Variants in TENM1 observed in about 807,000 individuals in gnomAD.
TENM1 encodes teneurin transmembrane protein 1.
Under a neutral mutation model 174.8 loss-of-function variants are expected in TENM1, and 35 were observed. The ratio of observed to expected loss-of-function variants is 0.20; its 90% confidence interval spans 0.15 to 0.27. TENM1 has a LOEUF of 0.27. Among genes scored for constraint, TENM1 ranks in the 10% least tolerant of loss-of-function variants. TENM1 has a pLI of 1.00. For synonymous variants in TENM1, 781 were observed against 798.7 expected, an observed-to-expected ratio of 0.98 and a Z score of 0.37; for missense variants, 1,633 against 2,130.1, an observed-to-expected ratio of 0.77 and a Z score of 4.59.
chrX:124,765,730 C>A (rs1199138780), intron 3 of TENM1, among the ~76,000 whole-genome samples: 2 of 111,945 alleles, frequency 1.8e-5, no homozygotes, highest in African/African-American at 3.2e-5. Flanking sequence ...GTCACATATG[C>A]AAATTACATA....
At chrX:125,167,619 G>C in the TENM1 span, among the ~76,000 whole-genome samples, 1 of 111,098 alleles carries the variant, frequency 9.0e-6, no homozygotes, top group Non-Finnish European at 1.9e-5. Flanking sequence ...AGAAGACCTA[G>C]GGTTTCGCCC....
the TENM1 span, among the ~76,000 whole-genome samples, chrX:125,027,123 C>T: frequency 2.7e-5 from 3 of 112,065 alleles, no homozygotes; most frequent in Non-Finnish European, 5.6e-5. Flanking sequence ...TTAGACAAAA[C>T]TGTCACTATT....
chrX:124,848,011 T>G (rs1043048074), intron 3 of TENM1, among the ~76,000 whole-genome samples: 84 of 111,303 alleles, frequency 7.5e-4, no homozygotes, highest in African/African-American at 2.7e-3. Context: ...TTAAGGGGTC[T>G]CTAATCATGT....
chrX:124,814,988 G>A (rs1459037844), intron 3 of TENM1, among the ~76,000 whole-genome samples: 6 of 112,070 alleles, frequency 5.4e-5, no homozygotes, highest in Non-Finnish European at 3.8e-5. Flanking sequence ...AGTAAATGCT[G>A]CAAACTATTA....
intron 14 of TENM1, among the ~76,000 whole-genome samples, chrX:124,560,788 A>C (rs1201380914): frequency 1.8e-5 from 2 of 111,900 alleles, no homozygotes; most frequent in African/African-American, 6.5e-5. Flanking sequence ...TTAATAATAT[A>C]CTTCATTTTA....
At chrX:124,783,110 A>C (rs1009656819) in intron 3 of TENM1, among the ~76,000 whole-genome samples, 2 of 112,098 alleles carry the variant, frequency 1.8e-5, no homozygotes, top group Non-Finnish European at 3.8e-5. Flanking sequence ...TCTCTATGAT[A>C]TGAGTGTACT....
upstream of TENM1, chrX:124,963,862 T>G: frequency 4.6e-6 from 3 of 653,329 alleles, no homozygotes; most frequent in East Asian, 9.7e-5. Flanking sequence ...GATTTATCTT[T>G]TTGTGAGGAA....
chrX:124,978,543 G>C, the TENM1 span, among the ~76,000 whole-genome samples: 1 of 111,869 alleles, frequency 8.9e-6, no homozygotes, highest in Admixed American at 9.5e-5. Flanking sequence ...GTAGTCACTT[G>C]CCTGGGCTAT....
At chrX:124,894,193 T>C in intron 3 of TENM1, 103 bp downstream of exon 6, 2 of 577,931 alleles carry the variant, frequency 3.5e-6, no homozygotes, top group Admixed American at 2.9e-5. Flanking sequence ...AGCAGGCTTG[T>C]ATGTTGTTTG....
At chrX:125,133,289 A>G in the TENM1 span, among the ~76,000 whole-genome samples, 2 of 112,035 alleles carry the variant, frequency 1.8e-5, no homozygotes, top group Non-Finnish European at 3.8e-5. Context: ...GGCGTGAGCC[A>G]CCGTGTCCGG....
chrX:125,163,562 T>A, the TENM1 span, among the ~76,000 whole-genome samples: 35 of 111,350 alleles, frequency 3.1e-4, no homozygotes, highest in African/African-American at 1.1e-3. Context: ...GAACTCTGCT[T>A]AATGTTCAGC....
At chrX:125,026,785 G>A in the TENM1 span, among the ~76,000 whole-genome samples, 61 of 111,950 alleles carry the variant, frequency 5.4e-4, no homozygotes, top group African/African-American at 1.8e-3. Flanking sequence ...GAAAACATAT[G>A]TCATTTGAAT....
intron 18 of TENM1, among the ~76,000 whole-genome samples, chrX:124,518,511 A>G (rs1055754523): frequency 9.0e-6 from 1 of 110,954 alleles, no homozygotes; most frequent in Non-Finnish European, 1.9e-5. Flanking sequence ...AAGGCAACAA[A>G]TACCTGCATA....
At chrX:125,199,719 G>A in the TENM1 span, among the ~76,000 whole-genome samples, 1 of 111,564 alleles carries the variant, frequency 9.0e-6, no homozygotes, top group Non-Finnish European at 1.9e-5. Flanking sequence ...TCATTTATTA[G>A]ACTCTAAGTT....
chrX:124,626,331 C>T lies in TENM1; in HGVS notation c.2077+15460G>A, dbSNP rs190396666. On this transcript the variant is annotated intron_variant, in intron 11 of 31. Coordinates refer to ENST00000422452, the Ensembl canonical transcript of TENM1. ...GGTTGGAATTCCACAGGCAAGCACTCTTATTGTATTGCACTTTCTGATTGG... is the reference window on the plus strand; with the variant it reads ...GGTTGGAATTCCACAGGCAAGCACTTTTATTGTATTGCACTTTCTGATTGG... 1.5e-4 allele frequency among the ~76,000 whole-genome samples: 17 copies of T among 111,698 alleles called. No individual in the cohort carries two copies. In the East Asian group the frequency reaches 4.8e-3, roughly 32 times the overall value.
chrX:124,420,439 A>G (rs1195341793), exon 25 of TENM1: 1 of 1,212,147 alleles, frequency 8.2e-7, no homozygotes, highest in East Asian at 3.0e-5. Flanking sequence ...TGCTGCTTAT[A>G]GTCAGCCAGT....
At chrX:124,725,746 T>C (rs776712513) in intron 4 of TENM1, among the ~76,000 whole-genome samples, 2 of 111,911 alleles carry the variant, frequency 1.8e-5, no homozygotes, top group African/African-American at 6.5e-5. Context: ...GATACACACA[T>C]ACACACACAC....
At chrX:124,717,493 C>G (rs775960014) in intron 4 of TENM1, among the ~76,000 whole-genome samples, 1 of 111,567 alleles carries the variant, frequency 9.0e-6, no homozygotes, top group South Asian at 3.8e-4. Flanking sequence ...GGGGAACAGA[C>G]AAAGAAATCC....
the TENM1 span, among the ~76,000 whole-genome samples, chrX:125,005,230 A>ACACACAC: frequency 9.7e-6 from 1 of 103,305 alleles, no homozygotes; most frequent in African/African-American, 3.5e-5. Context: ...ACACACACAC[A>ACACACAC]AATAATTCTA....
Sources: gnomAD v4.1 joint callset for allele counts (sites outside exome capture counted in the v4.1 genomes callset) on GRCh38, gnomAD v4.1.1 for gene constraint, MANE v1.5 for transcripts, NCBI Gene and HGNC (gene_info 2026-07-23, HGNC 2026-07-21) for gene names.